Variants in DLG1 observed in about 807,000 individuals in gnomAD.
DLG1 encodes disks large homolog 1.
In DLG1, 42 loss-of-function variants were observed where a neutral mutation model predicts 123.4. The ratio of observed to expected loss-of-function variants is 0.34; its 90% CI spans 0.27 to 0.44. DLG1 has a LOEUF of 0.44. DLG1 is among the 20% of genes least tolerant of loss of function. The pLI is 1.00. For missense variants in DLG1, 942 were observed against 1,082.6 expected (o/e 0.87, Z 1.82); for synonymous variants, 317 against 356.2 (o/e 0.89, Z 1.24).
chr3:197,065,668 T>G (rs1374827949), intron 21 of DLG1, 40 bp downstream of exon 21: 1 of 1,399,078 alleles, frequency 7.1e-7, no homozygotes. Context: ...ACAGGAAATG[T>G]TAAGAGTAAC....
intron 4 of DLG1, among the ~76,000 whole-genome samples, chr3:197,199,038 A>G (rs1724186251): frequency 6.6e-6 from 1 of 152,158 alleles, no homozygotes; most frequent in Non-Finnish European, 1.5e-5. Flanking sequence ...AAAAGAGTAA[A>G]TTTTACACTA....
intron 7 of DLG1, among the ~76,000 whole-genome samples, chr3:197,140,726 T>A (rs1039027381): frequency 3.3e-5 from 5 of 152,180 alleles, no homozygotes; most frequent in African/African-American, 9.7e-5. Flanking sequence ...GTGGCGATGG[T>A]GCTTTTCTTC....
chr3:197,165,612 A>G (rs1026535986), intron 5 of DLG1, among the ~76,000 whole-genome samples: 1 of 152,138 alleles, frequency 6.6e-6, no homozygotes, highest in Non-Finnish European at 1.5e-5. Flanking sequence ...GTTCCTGGAG[A>G]AAAAAAATTC....
chr3:197,274,897 CATA>C (rs1765656211), intron 4 of DLG1, among the ~76,000 whole-genome samples: 1 of 151,960 alleles, frequency 6.6e-6, no homozygotes, highest in Non-Finnish European at 1.5e-5. Context: ...AAATCAAAAC[CATA>C]ATAAGCTGGG....
chr3:197,064,684 A>T (rs1391902771), intron 22 of DLG1, among the ~76,000 whole-genome samples: 4 of 150,640 alleles, frequency 2.7e-5, no homozygotes, highest in Non-Finnish European at 5.9e-5. Context: ...TTTCTTGCAA[A>T]TTTTTTCTGT....
At position 197,060,250 on chromosome 3, in the gene DLG1, G is replaced by A. The variant is rs565585492; in HGVS notation, c.2374-252C>T. On this transcript the variant is annotated intron_variant, in intron 22 of 24. Coordinates refer to ENST00000667157, the MANE Select transcript of DLG1 (RefSeq NM_001366207.1). Reference sequence around the variant, plus strand: ...TGAAAATACAGTTCCTAGTTTTCACGGATCAGTTATTTCTCAAAATGGTGA... The same window carrying A: ...TGAAAATACAGTTCCTAGTTTTCACAGATCAGTTATTTCTCAAAATGGTGA... 2.0e-5 allele frequency among the ~76,000 whole-genome samples: 3 copies of A among 152,232 alleles called. No homozygotes were observed. The South Asian group carries it at 6.2e-4, about 32-fold the overall frequency.
chr3:197,072,938 C>G (rs1471981184), intron 18 of DLG1, among the ~76,000 whole-genome samples: 1 of 152,180 alleles, frequency 6.6e-6, no homozygotes, highest in African/African-American at 2.4e-5. Context: ...CTGAGGTGAT[C>G]TGCTGGCCTC....
chr3:197,291,670 T>C (rs1455430430), intron 3 of DLG1, among the ~76,000 whole-genome samples: 1 of 152,214 alleles, frequency 6.6e-6, no homozygotes, highest in African/African-American at 2.4e-5. Context: ...GTGAGAAGTA[T>C]CTATGGATTC....
At chr3:197,169,677 C>T (rs963685155) in intron 5 of DLG1, among the ~76,000 whole-genome samples, 2 of 152,152 alleles carry the variant, frequency 1.3e-5, no homozygotes, top group Non-Finnish European at 2.9e-5. Context: ...GCTAATAATG[C>T]TTATATTTTA....
chr3:197,204,835 T>G (rs1578047437), intron 4 of DLG1, among the ~76,000 whole-genome samples: 1 of 152,200 alleles, frequency 6.6e-6, no homozygotes, highest in African/African-American at 2.4e-5. Context: ...TCCACTGATT[T>G]TGGTATCCTG....
chr3:197,231,740 A>AC (rs1743244501), intron 4 of DLG1, among the ~76,000 whole-genome samples: 1 of 152,012 alleles, frequency 6.6e-6, no homozygotes, highest in Admixed American at 6.6e-5. Flanking sequence ...AAAAACCAAA[A>AC]AACAAAAACC....
chr3:197,107,724 T>C (rs1052408337), intron 13 of DLG1, among the ~76,000 whole-genome samples: 1 of 152,168 alleles, frequency 6.6e-6, no homozygotes, highest in African/African-American at 2.4e-5. Context: ...AGTCTGTTGT[T>C]GTATTTCTTA....
At chr3:197,156,005 A>G (rs965331247) in intron 5 of DLG1, among the ~76,000 whole-genome samples, 1 of 152,232 alleles carries the variant, frequency 6.6e-6, no homozygotes, top group African/African-American at 2.4e-5. Flanking sequence ...TTGGTAAATA[A>G]CGAAAATCAA....
At chr3:197,157,420 T>G (rs567742253) in intron 5 of DLG1, among the ~76,000 whole-genome samples, 18 of 152,348 alleles carry the variant, frequency 1.2e-4, no homozygotes, top group African/African-American at 3.8e-4. Flanking sequence ...CAATTCTGTT[T>G]ATTATAGCAT....
At chr3:197,059,596 A>C (rs963081199) in intron 23 of DLG1, among the ~76,000 whole-genome samples, 4 of 98,574 alleles carry the variant, frequency 4.1e-5, no homozygotes, top group Non-Finnish European at 8.8e-5. Flanking sequence ...TTATTCTCTT[A>C]ATGGTTACCT....
At chr3:197,287,366 T>G (rs1375842849) in intron 3 of DLG1, among the ~76,000 whole-genome samples, 1 of 152,234 alleles carries the variant, frequency 6.6e-6, no homozygotes, top group Non-Finnish European at 1.5e-5. Flanking sequence ...TGTTAAAGTC[T>G]TGAAAGAATT....
At chr3:197,256,618 T>G (rs1297191411) in intron 4 of DLG1, among the ~76,000 whole-genome samples, 1 of 152,232 alleles carries the variant, frequency 6.6e-6, no homozygotes, top group East Asian at 1.9e-4. Flanking sequence ...TTTTTTTACA[T>G]GTAAAACATA....
chr3:197,164,815 G>A (rs899024185), intron 5 of DLG1, among the ~76,000 whole-genome samples: 8 of 151,678 alleles, frequency 5.3e-5, no homozygotes, highest in African/African-American at 1.9e-4. Flanking sequence ...CCAGCTACTC[G>A]GGAGGGTGAG....
chr3:197,121,821 C>CAT (rs1156563641), intron 11 of DLG1, among the ~76,000 whole-genome samples: 1 of 46,632 alleles, frequency 2.1e-5, no homozygotes, highest in African/African-American at 5.6e-5. Context: ...TGACAATCAC[C>CAT]ACAAAAAAAA....
Sources: gnomAD v4.1 joint callset for allele counts (sites outside exome capture counted in the v4.1 genomes callset) on GRCh38, gnomAD v4.1.1 for gene constraint, MANE v1.5 for transcripts, NCBI Gene and HGNC (gene_info 2026-07-23, HGNC 2026-07-21) for gene names.